The following DOK6 variants were observed in gnomAD, a reference collection of about 807,000 sequenced individuals.
The protein encoded by DOK6 is docking protein 6.
DOK6 carries 22 observed loss-of-function variants against 44.0 expected under a neutral mutation model. The observed-to-expected ratio is 0.50, with a 90% confidence interval of 0.36 to 0.71. The LOEUF (loss-of-function observed/expected upper bound fraction) is 0.71. Ranked by LOEUF, DOK6 falls within the 30% of genes least tolerant of loss-of-function variation. DOK6 has a pLI of 0.00. For missense variants in DOK6, 340 were observed against 416.4 expected (o/e 0.82, Z 1.60); for synonymous variants, 166 against 145.5 (o/e 1.14, Z -1.01).
At chr18:69,403,066 C>T (rs1483663898) in intron 1 of DOK6, among the ~76,000 whole-genome samples, 1 of 152,130 alleles carries the variant, frequency 6.6e-6, no homozygotes, top group African/African-American at 2.4e-5. Context: ...TCATTTTTCT[C>T]GGCCTTTGAT....
intron 1 of DOK6, among the ~76,000 whole-genome samples, chr18:69,520,936 A>G (rs761531926): frequency 1.3e-4 from 19 of 151,884 alleles, no homozygotes; most frequent in Non-Finnish European, 1.5e-4. Context: ...TCTTAATTCA[A>G]CTGTGCATGT....
chr18:69,731,585 A>T (rs1978404165), intron 5 of DOK6, among the ~76,000 whole-genome samples: 1 of 152,212 alleles, frequency 6.6e-6, no homozygotes, highest in Non-Finnish European at 1.5e-5. Context: ...AATTATCTTA[A>T]CTACATTTAA....
intron 1 of DOK6, among the ~76,000 whole-genome samples, chr18:69,410,806 C>A (rs1263833786): frequency 6.6e-6 from 1 of 152,130 alleles, no homozygotes; most frequent in Non-Finnish European, 1.5e-5. Flanking sequence ...TCACTGAGTT[C>A]TGAACAATGC....
intron 3 of DOK6, among the ~76,000 whole-genome samples, chr18:69,634,819 T>G (rs116461726): frequency 0.016 from 2,449 of 152,296 alleles, 60 homozygotes; most frequent in African/African-American, 0.055. Context: ...AGTTTTTTTA[T>G]TAGCAGATTC....
At chr18:69,808,866 A>G (rs553078364) in intron 7 of DOK6, among the ~76,000 whole-genome samples, 1 of 151,812 alleles carries the variant, frequency 6.6e-6, no homozygotes, top group Non-Finnish European at 1.5e-5. Context: ...CATTTAAAAA[A>G]TAGGGAACAT....
intron 5 of DOK6, among the ~76,000 whole-genome samples, chr18:69,711,425 A>G (rs1345256470): frequency 1.3e-5 from 2 of 152,218 alleles, no homozygotes; most frequent in Admixed American, 1.3e-4. Context: ...AAATTATGTT[A>G]CTTGTAGAAC....
rs572531109 is a variant in DOK6 at position 69,800,605 on chromosome 18, T to A, written c.857-40639T>A. On this transcript the variant is annotated intron_variant, in intron 7 of 7. Transcript: ENST00000382713. The stretch of plus-strand genomic sequence containing the variant: ...CTTCTTCAGACTTTTTCTATTTCAG[T>A]TCTATAATAGTTTCAGAAAGATAGA... 2.6e-5 allele frequency among the ~76,000 whole-genome samples: 4 copies of A among 152,304 alleles called. No individual in the cohort carries two copies. In the South Asian group the frequency reaches 8.3e-4, roughly 32 times the overall value.
At chr18:69,477,492 A>C (rs1259325163) in intron 1 of DOK6, among the ~76,000 whole-genome samples, 6 of 152,168 alleles carry the variant, frequency 3.9e-5, no homozygotes, top group Non-Finnish European at 8.8e-5. Context: ...TGTACCATTC[A>C]TTTTTTTCAA....
At chr18:69,562,841 A>G (rs1342064109) in intron 1 of DOK6, among the ~76,000 whole-genome samples, 1 of 152,236 alleles carries the variant, frequency 6.6e-6, no homozygotes, top group African/African-American at 2.4e-5. Flanking sequence ...AGCAAAAGAA[A>G]CTACCATCAG....
At chr18:69,737,265 C>T (rs893814567) in intron 5 of DOK6, among the ~76,000 whole-genome samples, 3 of 152,166 alleles carry the variant, frequency 2.0e-5, no homozygotes, top group Admixed American at 1.3e-4. Context: ...AGGAAACTTA[C>T]CATCATGGCA....
chr18:69,634,017 C>T (rs11662555), intron 3 of DOK6, among the ~76,000 whole-genome samples: 2 of 151,556 alleles, frequency 1.3e-5, no homozygotes, highest in Non-Finnish European at 2.9e-5. Context: ...TTAGCAGTGA[C>T]TTTGATCTAA....
At chr18:69,404,590 G>A (rs1051882677) in intron 1 of DOK6, among the ~76,000 whole-genome samples, 1 of 151,934 alleles carries the variant, frequency 6.6e-6, no homozygotes, top group Non-Finnish European at 1.5e-5. Flanking sequence ...GCTATACCTT[G>A]ACTTATTCTA....
chr18:69,771,672 A>T (rs1979890757), intron 7 of DOK6, among the ~76,000 whole-genome samples: 1 of 151,990 alleles, frequency 6.6e-6, no homozygotes, highest in Non-Finnish European at 1.5e-5. Flanking sequence ...CTTATTTTTT[A>T]AAAAGGCACA....
rs192444419 is a variant in DOK6, at chr18:69,738,849, A to C, written c.600-116A>C. 1,881 of 1,266,634 alleles carry C rather than the reference A, an allele frequency of 1.5e-3. 22 individuals carry two copies. The highest frequency in any genetic ancestry group is 6.9e-4 in the Non-Finnish European group (634 of 915,950). 78.5% of individuals were successfully genotyped at this position (1,266,634 alleles called of 1,614,324 possible). ...GGTTACGGCTGAATCAGCCTCACTA[A>C]CTCCTGTGGAGGTCAGGAGGAGGAG... On this transcript the variant is annotated intron_variant, in intron 5 of 7. Transcript: ENST00000382713.
At chr18:69,761,562 G>T (rs1041848275) in intron 7 of DOK6, among the ~76,000 whole-genome samples, 1 of 152,092 alleles carries the variant, frequency 6.6e-6, no homozygotes, top group South Asian at 2.1e-4. Flanking sequence ...ACTGCTTCCT[G>T]CTGACAGAGG....
intron 7 of DOK6, among the ~76,000 whole-genome samples, chr18:69,826,925 G>A (rs10513980): frequency 1.1e-4 from 17 of 152,140 alleles, no homozygotes; most frequent in African/African-American, 3.9e-4. Flanking sequence ...TTGGATGCTA[G>A]AGGATTATAA....
At chr18:69,529,045 T>C (rs1234048251) in intron 1 of DOK6, among the ~76,000 whole-genome samples, 1 of 152,312 alleles carries the variant, frequency 6.6e-6, no homozygotes, top group East Asian at 1.9e-4. Flanking sequence ...GGTTTAGTAC[T>C]CTTATTCTCC....
chr18:69,678,508 C>T (rs1029388272), intron 4 of DOK6, among the ~76,000 whole-genome samples: 2 of 152,108 alleles, frequency 1.3e-5, no homozygotes, highest in African/African-American at 4.8e-5. Flanking sequence ...ATCAGGTTAT[C>T]GGTAGCTTTT....
At chr18:69,534,622 T>C (rs1021258824) in intron 1 of DOK6, among the ~76,000 whole-genome samples, 31 of 152,158 alleles carry the variant, frequency 2.0e-4, no homozygotes, top group African/African-American at 7.5e-4. Flanking sequence ...GTATTCTCAG[T>C]GGTCCCTCAC....
Sources: gnomAD v4.1 joint callset for allele counts (sites outside exome capture counted in the v4.1 genomes callset) on GRCh38, gnomAD v4.1.1 for gene constraint, MANE v1.5 for transcripts, NCBI Gene and HGNC (gene_info 2026-07-23, HGNC 2026-07-21) for gene names.